SRFBP1: variants seen among roughly 807,000 people sequenced by gnomAD.
SRFBP1 encodes the protein serum response factor binding protein 1.
Under a neutral mutation model 45.5 loss-of-function variants are expected in SRFBP1, and 47 were observed. That is an observed-to-expected ratio of 1.03 (90% CI 0.82 to 1.32). The LOEUF (loss-of-function observed/expected upper bound fraction) is 1.32, where lower values mean the gene tolerates loss of function less well. Among genes scored for constraint, SRFBP1 ranks in the 40% most tolerant of loss-of-function variants. The pLI is 0.00. For synonymous variants in SRFBP1, 203 were observed against 166.3 expected, an observed-to-expected ratio of 1.22 and a Z score of -1.70; for missense variants, 621 against 484.6, an observed-to-expected ratio of 1.28 and a Z score of -2.64.
chr5:122,041,962 C>A (rs1042612616), intron 2 of SRFBP1, among the ~76,000 whole-genome samples: 3 of 152,102 alleles, frequency 2.0e-5, no homozygotes, highest in African/African-American at 7.2e-5. Flanking sequence ...GTGTTAAGAT[C>A]TATTCCTCTT....
chr5:121,988,513 C>A (rs1050171963), intron 3 of SRFBP1, among the ~76,000 whole-genome samples: 8 of 152,204 alleles, frequency 5.3e-5, no homozygotes, highest in African/African-American at 9.7e-5. Context: ...TCAGTGGAGT[C>A]ATATGGCCAC....
downstream of SRFBP1, chr5:122,077,823 A>T: frequency 6.4e-7 from 1 of 1,551,810 alleles, no homozygotes; most frequent in East Asian, 2.4e-5. This position sits in a 1 kb window ranked among gnomAD's most constrained non-coding sequence, Gnocchi z 4.9. Context: ...AGCAAGCTGA[A>T]CACCTGCCCG....
chr5:122,045,532 G>T lies in SRFBP1; in HGVS notation n.311+23125G>T, dbSNP rs535844188. Among the ~76,000 whole-genome samples, 6 of 152,198 alleles carry T rather than the reference G, an allele frequency of 3.9e-5. No homozygotes were observed. The East Asian group carries it at 1.2e-3, about 29-fold the overall frequency. On this transcript the variant is annotated intron_variant and non_coding_transcript_variant, in intron 2 of 2. Transcript: ENST00000504881. The stretch of plus-strand genomic sequence containing the variant: ...TGTTTGTGTCATCTCTGATTTCGTT[G>T]AGAAATGTTTTATAATTCTCATTGT...
At chr5:122,055,139 A>G (rs1192679573) in intron 2 of SRFBP1, among the ~76,000 whole-genome samples, 1 of 152,182 alleles carries the variant, frequency 6.6e-6, no homozygotes, top group Non-Finnish European at 1.5e-5. Flanking sequence ...GAAGTACAAG[A>G]CCAAGTTTCT....
At chr5:121,991,467 G>C (rs1160553164) in intron 3 of SRFBP1, among the ~76,000 whole-genome samples, 1 of 152,044 alleles carries the variant, frequency 6.6e-6, no homozygotes, top group Non-Finnish European at 1.5e-5. Context: ...CTTTGCAGCA[G>C]ACTCTTAGGA....
At chr5:121,993,140 C>T (rs1206527814) in intron 3 of SRFBP1, among the ~76,000 whole-genome samples, 1 of 152,138 alleles carries the variant, frequency 6.6e-6, no homozygotes, top group Non-Finnish European at 1.5e-5. Flanking sequence ...ACTTCACTTT[C>T]TATATATCTT....
At chr5:122,061,643 T>G (rs1754170174) in intron 2 of SRFBP1, among the ~76,000 whole-genome samples, 1 of 152,022 alleles carries the variant, frequency 6.6e-6, no homozygotes, top group Non-Finnish European at 1.5e-5. Flanking sequence ...AATGATTGTT[T>G]CACCCTAGTG....
chr5:121,994,522 A>G, intron 3 of SRFBP1, 77 bp from the exon 4 acceptor site: 1 of 883,312 alleles, frequency 1.1e-6, no homozygotes, highest in Non-Finnish European at 1.8e-6. Context: ...TAAGTTTCTT[A>G]AGATACGGAA....
chr5:122,073,343 A>G (rs1009404676), intron 2 of SRFBP1, among the ~76,000 whole-genome samples: 3 of 152,198 alleles, frequency 2.0e-5, no homozygotes, highest in African/African-American at 7.2e-5. Context: ...TCCAAACAAC[A>G]TCTGACATCA....
chr5:122,066,726 G>T (rs1033214074), intron 2 of SRFBP1: 4 of 1,598,160 alleles, frequency 2.5e-6, no homozygotes, highest in Admixed American at 1.7e-5. Context: ...TATCCATTGG[G>T]AGTTTTGCTT....
Position 122,027,149 on chromosome 5 carries a change from T to C in SRFBP1, c.*23T>C. 6.3e-7 allele frequency: 1 copy of C among 1,575,120 alleles called. No individual in the cohort carries two copies. The highest frequency in any genetic ancestry group is 8.6e-7 in the Non-Finnish European group (1 of 1,162,616). On this transcript the variant is annotated 3_prime_UTR_variant, in exon 8 of 8. Transcript: ENST00000339397. Reference sequence around the variant, plus strand: ...TGATTAGTGCCTCTTTCTGCAAACTTTTCCATCTAAAAAAAAAAATGTTTT... The same window carrying C: ...TGATTAGTGCCTCTTTCTGCAAACTCTTCCATCTAAAAAAAAAAATGTTTT...
intron 4 of SRFBP1, among the ~76,000 whole-genome samples, chr5:122,010,560 C>G (rs1753072147): frequency 1.3e-5 from 2 of 152,106 alleles, no homozygotes; most frequent in Admixed American, 1.3e-4. Context: ...ACCCCTACTA[C>G]AAAGCTATTA....
At chr5:122,077,552 T>C (rs1176843691), downstream of SRFBP1, 4 of 1,613,212 alleles carry the variant, frequency 2.5e-6, no homozygotes, top group Admixed American at 3.3e-5. The surrounding 1 kb of genome is among the most constrained non-coding windows in gnomAD (Gnocchi z 4.9). Context: ...CGGCGCTGTC[T>C]GGTTCTCCGC....
chr5:122,037,112 G>A (rs1454381759), intron 2 of SRFBP1, among the ~76,000 whole-genome samples: 1 of 152,084 alleles, frequency 6.6e-6, no homozygotes, highest in Non-Finnish European at 1.5e-5. Flanking sequence ...TGATCAGGCT[G>A]GTCTCCAACT....
At position 121,974,130 on chromosome 5, in the gene SRFBP1, C is replaced by G. The variant is rs1031340044; in HGVS notation, c.37-66C>G. 8 of 1,122,670 alleles carry G rather than the reference C, an allele frequency of 7.1e-6. No individual in the cohort carries two copies. The African/African-American group carries it at 1.1e-4, about 15-fold the overall frequency. 69.5% of individuals were successfully genotyped at this position (1,122,670 alleles called of 1,614,324 possible). On this transcript the variant is annotated intron_variant, in intron 1 of 7. Coordinates refer to ENST00000339397, the MANE Select transcript of SRFBP1 (RefSeq NM_152546.3). ...AGACTAAGTCTCAAATATTAAGACTCAAAATAAAGTGTGTTTGTTCCTGAA... is the reference window on the plus strand; with the variant it reads ...AGACTAAGTCTCAAATATTAAGACTGAAAATAAAGTGTGTTTGTTCCTGAA...
intron 4 of SRFBP1, among the ~76,000 whole-genome samples, chr5:121,998,874 T>C (rs934649607): frequency 1.1e-4 from 17 of 152,200 alleles, no homozygotes; most frequent in South Asian, 2.1e-4. Context: ...CTTCCACTCT[T>C]TGGATTTTCT....
At chr5:121,988,463 A>AATC (rs1393003626) in intron 3 of SRFBP1, among the ~76,000 whole-genome samples, 1 of 152,220 alleles carries the variant, frequency 6.6e-6, no homozygotes, top group Non-Finnish European at 1.5e-5. Flanking sequence ...ACATGGGGTG[A>AATC]AGTCCAGGAA....
At chr5:122,036,669 G>A (rs1285939287) in intron 2 of SRFBP1, among the ~76,000 whole-genome samples, 1 of 152,152 alleles carries the variant, frequency 6.6e-6, no homozygotes, top group Non-Finnish European at 1.5e-5. Flanking sequence ...AAGGCTCAAT[G>A]TGAGCTTCCC....
intron 2 of SRFBP1, among the ~76,000 whole-genome samples, chr5:122,052,064 C>A (rs958049797): frequency 2.0e-5 from 3 of 152,040 alleles, no homozygotes; most frequent in African/African-American, 7.2e-5. Flanking sequence ...TTAAGAATGC[C>A]GAATTAGACT....
Sources: gnomAD v4.1 joint callset for allele counts (sites outside exome capture counted in the v4.1 genomes callset) on GRCh38, gnomAD v4.1.1 for gene constraint, Gnocchi (gnomAD v3.1) non-coding constraint, MANE v1.5 for transcripts, NCBI Gene and HGNC (gene_info 2026-07-23, HGNC 2026-07-21) for gene names.